TNRC6A: variants seen among roughly 807,000 people sequenced by gnomAD.
TNRC6A encodes the protein trinucleotide repeat-containing gene 6A protein.
Under a neutral mutation model 221.2 loss-of-function variants are expected in TNRC6A, and 44 were observed. The observed-to-expected ratio is 0.20, with a 90% CI of 0.16 to 0.26. The LOEUF (loss-of-function observed/expected upper bound fraction) is 0.26, where lower values mean the gene tolerates loss of function less well. Among genes scored for constraint, TNRC6A ranks in the 10% least tolerant of loss-of-function variants. The probability of loss-of-function intolerance (pLI) is 1.00; values close to 1 mark genes in which losing one functional copy is unlikely to be tolerated. For missense variants in TNRC6A, 2,199 were observed against 2,404.4 expected, an observed-to-expected ratio of 0.91 and a Z score of 1.79; for synonymous variants, 847 against 838.5, an observed-to-expected ratio of 1.01 and a Z score of -0.18.
intron 2 of TNRC6A, among the ~76,000 whole-genome samples, chr16:24,670,470 T>C (rs2055273247): frequency 6.6e-6 from 1 of 152,164 alleles, no homozygotes; most frequent in Non-Finnish European, 1.5e-5. Context: ...GGGCTGCTGT[T>C]TCAGCAATTC....
chr16:24,754,141 C>T (rs2057196472), intron 3 of TNRC6A, among the ~76,000 whole-genome samples: 1 of 151,860 alleles, frequency 6.6e-6, no homozygotes, highest in Non-Finnish European at 1.5e-5. Context: ...TTTAATGGTC[C>T]CCAGTAGCCA....
chr16:24,752,304 T>C (rs994469374), intron 3 of TNRC6A, among the ~76,000 whole-genome samples: 2 of 152,146 alleles, frequency 1.3e-5, no homozygotes, highest in African/African-American at 4.8e-5. Flanking sequence ...GAGGAGTTAA[T>C]CAGGCTAGGG....
chr16:24,743,094 C>T (rs944591693), intron 2 of TNRC6A, among the ~76,000 whole-genome samples: 4 of 152,102 alleles, frequency 2.6e-5, no homozygotes, highest in Admixed American at 2.6e-4. Flanking sequence ...GTCAGCCTTA[C>T]CACAGCCTTG....
At chr16:24,626,396 G>A (rs894703862) in intron 1 of TNRC6A, among the ~76,000 whole-genome samples, 2 of 152,022 alleles carry the variant, frequency 1.3e-5, no homozygotes, top group Non-Finnish European at 2.9e-5. Flanking sequence ...CACCCCAGAA[G>A]CTGCCCGCAT....
intron 2 of TNRC6A, among the ~76,000 whole-genome samples, chr16:24,738,921 T>TC (rs556080776): frequency 1.4e-3 from 212 of 152,334 alleles, no homozygotes; most frequent in African/African-American, 5.0e-3. Context: ...TGGTGCAATC[T>TC]CAGCTCACTG....
chr16:24,664,548 A>G (rs1282321829), intron 2 of TNRC6A, among the ~76,000 whole-genome samples: 1 of 143,126 alleles, frequency 7.0e-6, no homozygotes, highest in Non-Finnish European at 1.5e-5. Flanking sequence ...TTTAAAATAT[A>G]ATATATTTTT....
chr16:24,823,781 CTGG>C lies in TNRC6A; in HGVS notation c.5864_5866del (p.Leu1955_Gly1956delinsArg). The C allele has an allele frequency of 6.8e-7, 1 of 1,479,918 alleles. No individual in the cohort carries two copies. Among genetic ancestry groups the C allele is most frequent in the Middle Eastern group, 1.8e-4 (1 of 5,510 alleles). The allele number at this position is 1,479,918 out of a possible 1,614,324, so 91.7% of individuals were successfully genotyped here. ...TAACGCTTTTCTTTCTGTTGACCAC[CTGG>C]GTGGGGGTGGAGAGTCCATGTAACA... is the stretch of plus-strand genomic sequence containing the variant. On this transcript the variant is annotated inframe_deletion, in exon 25 of 25. Transcript: ENST00000395799. The surrounding 1 kb of genome is among the most constrained non-coding windows in gnomAD (Gnocchi z 4.3).
At chr16:24,809,288 T>G (rs914496806) in intron 17 of TNRC6A, 62 bp from the exon 18 acceptor site, 4 of 1,382,792 alleles carry the variant, frequency 2.9e-6, no homozygotes, top group Non-Finnish European at 3.8e-6. Context: ...ATAGAAGTTG[T>G]GCTACTAGAA....
At chr16:24,750,082 G>A (rs190726340) in intron 2 of TNRC6A, among the ~76,000 whole-genome samples, 1,531 of 152,314 alleles carry the variant, frequency 0.01, 10 homozygotes, top group Non-Finnish European at 0.017. Context: ...GGAGGCTGCA[G>A]TGAGCAGAGA....
Position 24,692,436 on chromosome 16 carries a change from G to C in TNRC6A, n.402+51427G>C, listed in dbSNP as rs556364816. Among the ~76,000 whole-genome samples the C allele has an allele frequency of 1.1e-4, 17 of 152,234 alleles. No individual in the cohort carries two copies. The South Asian group carries it at 2.7e-3, about 24-fold the overall frequency. ...ACTACAAAAATTAGCTGGGCATGGT[G>C]GTGGGCGCCTGTAGTCCCAGCTACT... On this transcript the variant is annotated intron_variant and non_coding_transcript_variant, in intron 2 of 2. Transcript: ENST00000566108.
At chr16:24,768,868 G>A (rs1254129071) in intron 4 of TNRC6A, among the ~76,000 whole-genome samples, 1 of 152,140 alleles carries the variant, frequency 6.6e-6, no homozygotes, top group Non-Finnish European at 1.5e-5. Context: ...AATAATGTAA[G>A]GGCTTGAGGT....
At chr16:24,763,157 G>A (rs1596643308) in intron 4 of TNRC6A, among the ~76,000 whole-genome samples, 1 of 152,216 alleles carries the variant, frequency 6.6e-6, no homozygotes, top group Admixed American at 6.5e-5. Flanking sequence ...TCTCCTGCAT[G>A]CTTTGATCTC....
At chr16:24,781,183 T>C (rs563642259) in intron 5 of TNRC6A, among the ~76,000 whole-genome samples, 63 of 150,274 alleles carry the variant, frequency 4.2e-4, no homozygotes, top group Admixed American at 4.2e-3. Flanking sequence ...TGAGTCTCCC[T>C]GAGTAGCTGG....
At position 24,785,194 on chromosome 16, in the gene TNRC6A, A is replaced by G. The variant is rs951196202; in HGVS notation, c.590-4038A>G. Among the ~76,000 whole-genome samples, 26 of 152,318 alleles carry G rather than the reference A, an allele frequency of 1.7e-4. 1 individual carries two copies. Among genetic ancestry groups the G allele is most frequent in the Admixed American group, 1.7e-3 (26 of 15,306 alleles). ...AGTGCTGTTCAACTATTTCCTGATA[A>G]TGCAGATTCCCTTCTTCACAACCTC... On this transcript the variant is annotated intron_variant, in intron 5 of 24. Coordinates refer to ENST00000395799, the MANE Select transcript of TNRC6A (RefSeq NM_014494.4).
Position 24,697,815 on chromosome 16 carries a change from G to A in TNRC6A, n.403-52911G>A, listed in dbSNP as rs532634419. On this transcript the variant is annotated intron_variant and non_coding_transcript_variant, in intron 2 of 2. Transcript: ENST00000566108. ...CCAGCACTTTGGGAGGCCAAGGCGG[G>A]TGGATCACAAGGTCAAGAGATCGAG... Among the ~76,000 whole-genome samples, 19 of 152,180 alleles carry A rather than the reference G, an allele frequency of 1.2e-4. No homozygotes were observed. The South Asian group carries it at 3.7e-3, about 30-fold the overall frequency.
chr16:24,707,502 G>T (rs374164107), intron 2 of TNRC6A, among the ~76,000 whole-genome samples: 3 of 151,934 alleles, frequency 2.0e-5, no homozygotes. Context: ...TAAATTAAAA[G>T]GTAGGTAACA....
At chr16:24,747,781 A>C (rs1024514791) in intron 2 of TNRC6A, among the ~76,000 whole-genome samples, 1 of 152,188 alleles carries the variant, frequency 6.6e-6, no homozygotes, top group Non-Finnish European at 1.5e-5. Flanking sequence ...CCTTGAGAAG[A>C]AATGTCTGGT....
At chr16:24,758,275 AT>A in intron 3 of TNRC6A, 63 bp from the exon 4 acceptor site, 1 of 1,496,490 alleles carries the variant, frequency 6.7e-7, no homozygotes, top group South Asian at 1.1e-5. Context: ...ACATTTTATC[AT>A]AACAGTCCAT....
chr16:24,632,680 C>T (rs1462369326), intron 1 of TNRC6A, among the ~76,000 whole-genome samples: 1 of 152,072 alleles, frequency 6.6e-6, no homozygotes, highest in African/African-American at 2.4e-5. Context: ...GATACCCCTA[C>T]TCAAAATCTA....
Sources: gnomAD v4.1 joint callset for allele counts (sites outside exome capture counted in the v4.1 genomes callset) on GRCh38, gnomAD v4.1.1 for gene constraint, Gnocchi (gnomAD v3.1) non-coding constraint, MANE v1.5 for transcripts, NCBI Gene and HGNC (gene_info 2026-07-23, HGNC 2026-07-21) for gene names.